Variants in SEMA5B observed in about 807,000 individuals in gnomAD.
The protein encoded by SEMA5B is semaphorin 5B, also known as semaphorin-5B.
In SEMA5B, 66 loss-of-function variants were observed where a neutral mutation model predicts 135.0. That is an observed-to-expected ratio of 0.49 (90% confidence interval 0.40 to 0.60). The LOEUF (loss-of-function observed/expected upper bound fraction) is 0.60. SEMA5B is among the 20% of genes least tolerant of loss of function. The pLI is 0.00. For synonymous variants in SEMA5B, 690 were observed against 639.5 expected (o/e 1.08, Z -1.19); for missense variants, 1,501 against 1,566.3 (o/e 0.96, Z 0.70).
At chr3:122,975,592 G>T (rs530147781) in intron 1 of SEMA5B, among the ~76,000 whole-genome samples, 1 of 152,180 alleles carries the variant, frequency 6.6e-6, no homozygotes, top group African/African-American at 2.4e-5. Context: ...TAATGTTTGC[G>T]GAAGCACATA....
chr3:122,928,894 C>A, intron 6 of SEMA5B, 102 bp downstream of exon 6: 1 of 1,220,832 alleles, frequency 8.2e-7, no homozygotes, highest in East Asian at 2.5e-5. Flanking sequence ...GGCCAGGCCT[C>A]TCTAGCAGGG....
At position 122,943,079 on chromosome 3, in the gene SEMA5B, C is replaced by T. The variant is rs529881579; in HGVS notation, c.428+357G>A. 6.4e-3 allele frequency among the ~76,000 whole-genome samples: 971 copies of T among 152,308 alleles called. 12 individuals are homozygous for T. Among genetic ancestry groups the T allele is most frequent in the African/African-American group, 0.022 (918 of 41,574 alleles). On this transcript the variant is annotated intron_variant, in intron 4 of 22. Coordinates refer to ENST00000357599, the MANE Select transcript of SEMA5B (RefSeq NM_001031702.4). Reference sequence around the variant, plus strand: ...GGCTGGCCGGCAGGGGGCCCCTGGGCACCTTCTCTGCATGGAACTCCCGGG... The same window carrying T: ...GGCTGGCCGGCAGGGGGCCCCTGGGTACCTTCTCTGCATGGAACTCCCGGG...
chr3:122,911,060 G>C lies in SEMA5B; in HGVS notation c.3092-15C>G, dbSNP rs778724373. ...GAGATTGAACCCTAGGGGAAGAGAGGCAGGTAGTAAGATGAGGGCCACTGT... is the reference window on the plus strand; with the variant it reads ...GAGATTGAACCCTAGGGGAAGAGAGCCAGGTAGTAAGATGAGGGCCACTGT... On this transcript the variant is annotated splice_polypyrimidine_tract_variant and intron_variant, in intron 21 of 22. Coordinates refer to ENST00000357599, the MANE Select transcript of SEMA5B (RefSeq NM_001031702.4). 6.2e-7 allele frequency: 1 copy of C among 1,600,788 alleles called. No individual in the cohort carries two copies. Among genetic ancestry groups the C allele is most frequent in the Non-Finnish European group, 8.5e-7 (1 of 1,170,526 alleles).
intron 1 of SEMA5B, among the ~76,000 whole-genome samples, chr3:122,995,660 C>CAA (rs10678251): frequency 0.33 from 50,866 of 152,048 alleles, 13,957 homozygotes; most frequent in African/African-American, 0.76. Context: ...GCCAGCACCT[C>CAA]ATGAGACAGC....
chr3:122,966,560 AT>A (rs1307061116), intron 1 of SEMA5B, among the ~76,000 whole-genome samples: 1 of 137,640 alleles, frequency 7.3e-6, no homozygotes, highest in Non-Finnish European at 1.5e-5. Context: ...TATTATTATT[AT>A]TATTATTTTT....
Position 122,921,905 on chromosome 3 carries a change from C to A in SEMA5B, c.1688+10G>T. 2 of 1,527,696 alleles carry A rather than the reference C, an allele frequency of 1.3e-6. No individual in the cohort carries two copies. Among genetic ancestry groups the A allele is most frequent in the Non-Finnish European group, 1.7e-6 (2 of 1,143,286 alleles). 94.6% of individuals were successfully genotyped at this position (1,527,696 alleles called of 1,614,324 possible). A position where few individuals can be genotyped will look rare whatever the true frequency, so the allele number is the denominator to read the frequency against. On this transcript the variant is annotated intron_variant, in intron 12 of 22. Coordinates refer to ENST00000357599, the MANE Select transcript of SEMA5B (RefSeq NM_001031702.4). ...GTGGAGGCCTCGGGAGCCGCCCCGT[C>A]CCGGCTTACCCCTGGCTGCGGTAGG...
chr3:122,940,118 C>T (rs180695330), intron 4 of SEMA5B, among the ~76,000 whole-genome samples: 1 of 152,390 alleles, frequency 6.6e-6, no homozygotes, highest in African/African-American at 2.4e-5. Flanking sequence ...CCTCTCCCCA[C>T]AGTCCAGCCT....
rs1189467789 is a variant in SEMA5B, at chr3:122,978,374, G to GGGGAGGCGGGGCGTAGGGCCACA, written c.-38-17096_-38-17074dup. ...GCAGCTCAATGTTCACAGGCAGGCTGGGGAGGCGGGGCGTAGGGCCACAGG... is the reference window on the plus strand; with the variant it reads ...GCAGCTCAATGTTCACAGGCAGGCTGGGGAGGCGGGGCGTAGGGCCACAGGGAGGCGGGGCGTAGGGCCACAGG... On this transcript the variant is annotated intron_variant, in intron 1 of 22. Transcript: ENST00000357599. Among the ~76,000 whole-genome samples the GGGGAGGCGGGGCGTAGGGCCACA allele has an allele frequency of 3.3e-5, 5 of 152,240 alleles. No individual in the cohort carries two copies. In the East Asian group the frequency reaches 5.8e-4, roughly 18 times the overall value.
chr3:122,913,430 G>C lies in SEMA5B; in HGVS notation c.2281-6C>G, dbSNP rs760623509. The C allele has an allele frequency of 9.0e-6, 14 of 1,563,652 alleles. No homozygotes were observed. Among genetic ancestry groups the C allele is most frequent in the Non-Finnish European group, 1.2e-5 (14 of 1,158,508 alleles). On this transcript the variant is annotated splice_region_variant and splice_polypyrimidine_tract_variant and intron_variant, in intron 16 of 22. Transcript: ENST00000357599. The stretch of plus-strand genomic sequence containing the variant: ...GGGTTGCACGTCTTGAACTCCTGCG[G>C]GTGGCGGCAGAGGCAGCTTTAGAAC...
At chr3:123,009,113 G>C (rs1942380831) in intron 1 of SEMA5B, among the ~76,000 whole-genome samples, 1 of 152,214 alleles carries the variant, frequency 6.6e-6, no homozygotes, top group Non-Finnish European at 1.5e-5. Context: ...TTTATGGACA[G>C]AGCGGCTGGC....
rs1188012628 is a variant in SEMA5B at position 122,923,612 on chromosome 3, T to C, written c.1272+5A>G. ...AAGACAGGGAAAGAGGAGGAGATTC[T>C]GTACCTGGAAATTGGGGATGGGGTT... On this transcript the variant is annotated splice_donor_5th_base_variant and intron_variant, in intron 10 of 22. Transcript: ENST00000357599. 1 of 1,613,854 alleles carries C rather than the reference T, an allele frequency of 6.2e-7. No individual in the cohort carries two copies. The highest frequency in any genetic ancestry group is 1.3e-5 in the African/African-American group (1 of 74,898).
At chr3:122,999,449 T>A (rs1167747825) in intron 1 of SEMA5B, among the ~76,000 whole-genome samples, 1 of 151,936 alleles carries the variant, frequency 6.6e-6, no homozygotes, top group Admixed American at 6.6e-5. Context: ...GGTCTCAAAC[T>A]CCCTACCGCA....
chr3:122,961,336 C>T (rs1360878690), intron 1 of SEMA5B, 35 bp from the exon 2 acceptor site: 3 of 1,586,138 alleles, frequency 1.9e-6, no homozygotes, highest in East Asian at 2.3e-5. Context: ...GTCATGGATA[C>T]ATGATGAACC....
Position 122,913,852 on chromosome 3 carries a change from C to T in SEMA5B, c.2132+6G>A, listed in dbSNP as rs772996909. ...GGGACCTCAGAGCAAGCCTGTTCTC[C>T]CTCACCGTTCCTCCCGGCTCTTGCC... On this transcript the variant is annotated splice_donor_region_variant and intron_variant, in intron 15 of 22. Transcript: ENST00000357599. The T allele has an allele frequency of 3.1e-6, 5 of 1,596,838 alleles. No individual in the cohort carries two copies. The Admixed American group carries it at 8.5e-5, about 27-fold the overall frequency.
At chr3:122,959,789 C>A (rs1428220180) in intron 2 of SEMA5B, among the ~76,000 whole-genome samples, 1 of 152,096 alleles carries the variant, frequency 6.6e-6, no homozygotes, top group East Asian at 1.9e-4. Context: ...TTGGTTCTTG[C>A]CTTGCACAGA....
chr3:122,939,534 C>T, intron 4 of SEMA5B, 64 bp from the exon 5 acceptor site: 2 of 1,383,976 alleles, frequency 1.4e-6, no homozygotes, highest in Non-Finnish European at 2.1e-6. Flanking sequence ...CAGGGAGCAG[C>T]CTCCTGGCTT....
chr3:122,934,637 T>A (rs573366729), intron 5 of SEMA5B, among the ~76,000 whole-genome samples: 1 of 152,346 alleles, frequency 6.6e-6, no homozygotes, highest in East Asian at 1.9e-4. Context: ...AAAATTATTT[T>A]AAAATTTTAT....
intron 1 of SEMA5B, among the ~76,000 whole-genome samples, chr3:123,007,784 T>C (rs950538157): frequency 6.6e-6 from 1 of 152,144 alleles, no homozygotes; most frequent in Non-Finnish European, 1.5e-5. Context: ...CAGTGAGAAA[T>C]AGATTCCATT....
chr3:122,956,359 C>T (rs11915280), intron 2 of SEMA5B, among the ~76,000 whole-genome samples: 37,228 of 152,168 alleles, frequency 0.24, 4,709 homozygotes, highest in South Asian at 0.38. Context: ...GCACACGCCC[C>T]CTGAGGCCTC....
Sources: gnomAD v4.1 joint callset for allele counts (sites outside exome capture counted in the v4.1 genomes callset) on GRCh38, gnomAD v4.1.1 for gene constraint, MANE v1.5 for transcripts, NCBI Gene and HGNC (gene_info 2026-07-23, HGNC 2026-07-21) for gene names.